Variants in BTC observed in about 807,000 individuals in gnomAD.
The protein encoded by BTC is betacellulin.
Under a neutral mutation model 18.1 loss-of-function variants are expected in BTC, and 13 were observed. That is an observed-to-expected ratio of 0.72 (90% CI 0.47 to 1.14). BTC has a LOEUF of 1.14. Ranked by LOEUF, BTC falls within the 50% of genes most tolerant of loss-of-function variation. The probability of loss-of-function intolerance (pLI) is 0.00; values close to 1 mark genes in which losing one functional copy is unlikely to be tolerated. For missense variants in BTC, 247 were observed against 224.2 expected (o/e 1.10, Z -0.65); for synonymous variants, 83 against 79.4 (o/e 1.05, Z -0.24).
chr4:74,764,458 T>A (rs1577956568), intron 2 of BTC, among the ~76,000 whole-genome samples: 1 of 152,164 alleles, frequency 6.6e-6, no homozygotes, highest in East Asian at 1.9e-4. Flanking sequence ...CAAAATGGCT[T>A]AGAATGAGAG....
chr4:74,791,229 C>A (rs1725616858), intron 1 of BTC, among the ~76,000 whole-genome samples: 1 of 152,142 alleles, frequency 6.6e-6, no homozygotes. Flanking sequence ...GTTGTCCCAG[C>A]TACTCGAGAG....
In BTC at chr4:74,755,851, C is replaced by G; in HGVS notation, c.281+8G>C. 6.2e-7 allele frequency: 1 copy of G among 1,613,444 alleles called. No homozygotes were observed. Among genetic ancestry groups the G allele is most frequent in the Non-Finnish European group, 8.5e-7 (1 of 1,179,516 alleles). On this transcript the variant is annotated splice_region_variant and intron_variant, in intron 3 of 5. Transcript: ENST00000395743. ...CTTTTGCTTGCTGGCTGAGGACACT[C>G]CACTTACACACAGGAGGGCGTCTGC...
chr4:74,768,192 T>C (rs1375170175), intron 2 of BTC, among the ~76,000 whole-genome samples: 3 of 152,114 alleles, frequency 2.0e-5, no homozygotes, highest in African/African-American at 7.2e-5. Context: ...TTTAGCACTA[T>C]ACAAAACATA....
chr4:74,781,396 T>TGTGTGTGTGTGTGTGC (rs1553959000), intron 1 of BTC, among the ~76,000 whole-genome samples: 5 of 151,026 alleles, frequency 3.3e-5, no homozygotes, highest in African/African-American at 1.2e-4. Flanking sequence ...TGTGTGTGTG[T>TGTGTGTGTGTGTGTGC]GTGTGTGTGT....
intron 1 of BTC, among the ~76,000 whole-genome samples, chr4:74,777,078 GAGA>G (rs1481236862): frequency 1.3e-5 from 2 of 152,154 alleles, no homozygotes; most frequent in African/African-American, 4.8e-5. Context: ...TTACATTAAA[GAGA>G]AGCAGTGCAG....
At chr4:74,778,794 C>G (rs371997831) in intron 1 of BTC, among the ~76,000 whole-genome samples, 110 of 152,250 alleles carry the variant, frequency 7.2e-4, no homozygotes, top group African/African-American at 2.5e-3. Context: ...GTGGAGCAAC[C>G]TGGCATGGGG....
chr4:74,794,222 A>G, intron 1 of BTC, 40 bp downstream of exon 1: 11 of 1,549,188 alleles, frequency 7.1e-6, no homozygotes, highest in Non-Finnish European at 9.6e-6. Context: ...CCAGCCCCAG[A>G]CTTTCCTCCT....
At chr4:74,747,767 C>G (rs1001600872) in intron 5 of BTC, among the ~76,000 whole-genome samples, 7 of 152,010 alleles carry the variant, frequency 4.6e-5, no homozygotes, top group Non-Finnish European at 1.0e-4. Context: ...ATACCTCTTT[C>G]CTGTGCCCAA....
chr4:74,758,863 G>A (rs1724674329), intron 2 of BTC, among the ~76,000 whole-genome samples: 1 of 152,028 alleles, frequency 6.6e-6, no homozygotes, highest in African/African-American at 2.4e-5. Context: ...ATGCCACCAG[G>A]CAGAAAATGT....
At chr4:74,788,199 G>A (rs1725532199) in intron 1 of BTC, among the ~76,000 whole-genome samples, 1 of 152,114 alleles carries the variant, frequency 6.6e-6, no homozygotes, top group Admixed American at 6.5e-5. Flanking sequence ...TGGAAATCAT[G>A]TTCTTATCCA....
At chr4:74,790,898 G>T (rs191950210) in intron 1 of BTC, among the ~76,000 whole-genome samples, 235 of 152,306 alleles carry the variant, frequency 1.5e-3, no homozygotes, top group African/African-American at 5.2e-3. Context: ...CAGATGTATG[G>T]GTAGGCAGTA....
chr4:74,788,718 A>G (rs1219307054), intron 1 of BTC, among the ~76,000 whole-genome samples: 1 of 152,212 alleles, frequency 6.6e-6, no homozygotes, highest in Non-Finnish European at 1.5e-5. Flanking sequence ...CCGTGCCATG[A>G]GCAAAAGAGT....
chr4:74,772,078 C>T (rs1725058380), intron 1 of BTC, among the ~76,000 whole-genome samples: 2 of 152,136 alleles, frequency 1.3e-5, no homozygotes, highest in Non-Finnish European at 2.9e-5. Context: ...ATGTACTCAT[C>T]TGTTTGTGTA....
intron 1 of BTC, among the ~76,000 whole-genome samples, chr4:74,789,645 GA>G (rs1725569599): frequency 6.6e-6 from 1 of 152,044 alleles, no homozygotes; most frequent in Admixed American, 6.5e-5. Flanking sequence ...TTGAGCATCT[GA>G]AAAAATTATT....
intron 2 of BTC, among the ~76,000 whole-genome samples, chr4:74,763,561 T>C (rs1724821337): frequency 6.6e-6 from 1 of 152,110 alleles, no homozygotes; most frequent in Admixed American, 6.5e-5. Flanking sequence ...TAATTTACAA[T>C]ATTTACAATA....
rs947371250 is a variant in BTC, at chr4:74,779,320, T to C, written c.65-9164A>G. Among the ~76,000 whole-genome samples the C allele has an allele frequency of 2.0e-5, 3 of 152,184 alleles. No individual in the cohort carries two copies. The East Asian group carries it at 5.8e-4, about 29-fold the overall frequency. ...TATCTGAAAACTGTCAACACGACAA[T>C]GTCTTTGCCAGTAAATCAACCTTTT... On this transcript the variant is annotated intron_variant, in intron 1 of 5. Coordinates refer to ENST00000395743, the MANE Select transcript of BTC (RefSeq NM_001729.4).
intron 5 of BTC, among the ~76,000 whole-genome samples, chr4:74,747,055 TG>T (rs1214283619): frequency 1.3e-5 from 2 of 152,220 alleles, no homozygotes; most frequent in Non-Finnish European, 2.9e-5. Context: ...TGTGAGCCTC[TG>T]GTTTGACAAG....
rs140833956 is a variant in BTC at position 74,750,689 on chromosome 4, A to C, written c.312T>G (p.Cys104Trp). 23 of 1,613,840 alleles carry C rather than the reference A, an allele frequency of 1.4e-5. No homozygotes were observed. The African/African-American group carries it at 2.1e-4, about 15-fold the overall frequency. ...TTAGGTAAAACAAGTCAACTCTCTC[A>C]CACCTTGCTCCAATGTAGCCTTCAT... Reference protein sequence around the residue: ...VCDEGYIGARCERVDLFYLRG... With the variant: ...VCDEGYIGARWERVDLFYLRG... The change falls in exon 4 of 6, where the codon TGT (cysteine) becomes TGG (tryptophan). Residue 104 changes from cysteine to tryptophan, a missense_variant. Coordinates refer to ENST00000395743, the MANE Select transcript of BTC (RefSeq NM_001729.4).
In BTC at chr4:74,745,827, T is replaced by TCTCTATTCATTTCCCTAGTTATGGGGCCA. The variant is rs1724273584; in HGVS notation, c.*821_*849dup. 6.6e-6 allele frequency: 1 copy of TCTCTATTCATTTCCCTAGTTATGGGGCCA among 152,192 alleles called. No homozygotes were observed. The highest frequency in any genetic ancestry group is 2.1e-4 in the South Asian group (1 of 4,832). The allele number at this position is 152,192 out of a possible 1,614,324, so 9.4% of individuals were successfully genotyped here. On this transcript the variant is annotated 3_prime_UTR_variant, in exon 6 of 6. Transcript: ENST00000395743. ...GGAATGCCAAGCATTTACTTTTCCA[T>TCTCTATTCATTTCCCTAGTTATGGGGCCA]CTCTATTCATTTCCCTAGTTATGGG...
Sources: allele counts gnomAD v4.1 joint callset (sites outside exome capture counted in the v4.1 genomes callset), GRCh38; gene constraint gnomAD v4.1.1; transcripts MANE v1.5; gene names NCBI Gene and HGNC (gene_info 2026-07-23, HGNC 2026-07-21).